MAGI1: variants seen among roughly 807,000 people sequenced by gnomAD.
MAGI1 encodes the protein membrane associated guanylate kinase, WW and PDZ domain containing 1.
A neutral mutation model predicts 139.9 loss-of-function variants in MAGI1; 58 were observed. The observed-to-expected ratio is 0.41, with a 90% CI of 0.34 to 0.52. MAGI1 has a LOEUF of 0.52. Ranked by LOEUF, MAGI1 falls within the 20% of genes least tolerant of loss-of-function variation. MAGI1 has a pLI of 0.12. For missense variants in MAGI1, 1,874 were observed against 1,901.6 expected (o/e 0.99, Z 0.27); for synonymous variants, 812 against 737.9 (o/e 1.10, Z -1.63).
intron 2 of MAGI1, among the ~76,000 whole-genome samples, chr3:65,588,301 G>A (rs1379498247): frequency 6.6e-6 from 1 of 152,158 alleles, no homozygotes; most frequent in Non-Finnish European, 1.5e-5. Context: ...TGCTCTAAGG[G>A]TGAAGCATTC....
intron 4 of MAGI1, among the ~76,000 whole-genome samples, chr3:65,473,267 A>G (rs1234964021): frequency 6.6e-6 from 1 of 152,176 alleles, no homozygotes; most frequent in Non-Finnish European, 1.5e-5. Context: ...ATCAAACCAC[A>G]GATTATAGTC....
chr3:65,444,470 C>T (rs55792695), intron 7 of MAGI1, among the ~76,000 whole-genome samples: 2,246 of 152,184 alleles, frequency 0.015, 66 homozygotes, highest in African/African-American at 0.049. Context: ...TTCATAGAAA[C>T]GCCATCTCTT....
chr3:65,499,507 G>C (rs2077001554), intron 2 of MAGI1, among the ~76,000 whole-genome samples: 1 of 152,142 alleles, frequency 6.6e-6, no homozygotes. Flanking sequence ...AAATTAGCCA[G>C]GCATGGTGGC....
At position 65,609,262 on chromosome 3, in the gene MAGI1, A is replaced by C. The variant is rs150766586; in HGVS notation, c.430+12710T>G. Among the ~76,000 whole-genome samples the C allele has an allele frequency of 1.7e-3, 252 of 149,992 alleles. 2 individuals carry two copies. Among genetic ancestry groups the C allele is most frequent in the African/African-American group, 5.3e-3 (217 of 40,678 alleles). On this transcript the variant is annotated intron_variant, in intron 2 of 22. Transcript: ENST00000402939. ...AACTTGCTATATTTATTTCATCTCTATCTCTCTCTCTCTCTTTTTTTTGTT... is the reference window on the plus strand; with the variant it reads ...AACTTGCTATATTTATTTCATCTCTCTCTCTCTCTCTCTCTTTTTTTTGTT...
chr3:65,638,021 G>A (rs75761648), intron 1 of MAGI1, among the ~76,000 whole-genome samples: 7,248 of 152,174 alleles, frequency 0.048, 323 homozygotes, highest in African/African-American at 0.12. Context: ...AGTGAATAAA[G>A]GATGATACTG....
chr3:66,032,377 A>ATTTTTTT (rs781376605), intron 1 of MAGI1, among the ~76,000 whole-genome samples: 1 of 128,712 alleles, frequency 7.8e-6, no homozygotes. Flanking sequence ...CGCCCGGCTA[A>ATTTTTTT]TTTTTTTGTT....
At chr3:65,577,033 C>T (rs2081207512) in intron 2 of MAGI1, among the ~76,000 whole-genome samples, 1 of 152,112 alleles carries the variant, frequency 6.6e-6, no homozygotes, top group Non-Finnish European at 1.5e-5. Context: ...TTTCACATAC[C>T]ATGGCACATT....
At chr3:65,446,800 C>T (rs1204624553) in intron 7 of MAGI1, among the ~76,000 whole-genome samples, 1 of 152,154 alleles carries the variant, frequency 6.6e-6, no homozygotes, top group Non-Finnish European at 1.5e-5. Context: ...TCATCCCTCT[C>T]ACAATGACCA....
chr3:65,729,314 TA>T, intron 1 of MAGI1, among the ~76,000 whole-genome samples: 1 of 152,342 alleles, frequency 6.6e-6, no homozygotes, highest in Non-Finnish European at 1.5e-5. Context: ...TATATTCATT[TA>T]AAAATATTTC....
At chr3:65,746,712 T>C (rs2035741903) in intron 1 of MAGI1, among the ~76,000 whole-genome samples, 1 of 152,122 alleles carries the variant, frequency 6.6e-6, no homozygotes, top group South Asian at 2.1e-4. Context: ...AAATATAATA[T>C]AGAAATAAAC....
At chr3:65,607,805 G>A (rs982522183) in intron 2 of MAGI1, among the ~76,000 whole-genome samples, 1 of 152,140 alleles carries the variant, frequency 6.6e-6, no homozygotes, top group Admixed American at 6.6e-5. Flanking sequence ...CAAATCAGGT[G>A]TTTCGGCTTA....
At chr3:65,957,897 T>C (rs1266277816) in intron 1 of MAGI1, among the ~76,000 whole-genome samples, 4 of 152,050 alleles carry the variant, frequency 2.6e-5, no homozygotes, top group Admixed American at 1.3e-4. Flanking sequence ...GCCTCCCAAG[T>C]AGCTGAGATT....
intron 18 of MAGI1, among the ~76,000 whole-genome samples, chr3:65,375,001 T>G (rs1433379102): frequency 6.6e-6 from 1 of 152,182 alleles, no homozygotes; most frequent in Non-Finnish European, 1.5e-5. Flanking sequence ...ATTCACTTAT[T>G]CTAAAAAACC....
At chr3:65,550,569 T>A (rs2079774339) in intron 2 of MAGI1, among the ~76,000 whole-genome samples, 1 of 152,196 alleles carries the variant, frequency 6.6e-6, no homozygotes, top group South Asian at 2.1e-4. Flanking sequence ...TAGTTTTAGT[T>A]TCAGGTGGAC....
chr3:65,853,486 A>G (rs1367373251), intron 1 of MAGI1, among the ~76,000 whole-genome samples: 1 of 152,182 alleles, frequency 6.6e-6, no homozygotes, highest in African/African-American at 2.4e-5. Context: ...TTCAATATCA[A>G]AAGTCTAAAA....
At position 65,798,497 on chromosome 3, in the gene MAGI1, G is replaced by A. The variant is rs373300770; in HGVS notation, c.314-176409C>T. 1.4e-4 allele frequency among the ~76,000 whole-genome samples: 22 copies of A among 152,246 alleles called. No individual in the cohort carries two copies. The South Asian group carries it at 1.5e-3, about 10-fold the overall frequency. On this transcript the variant is annotated intron_variant, in intron 1 of 22. Transcript: ENST00000402939. The stretch of plus-strand genomic sequence containing the variant: ...AAGGAAGCCGCCAACTGTAGGCCTC[G>A]GGCCAAGATAGGTGTAGGGGTGCTG...
At chr3:65,768,713 G>T (rs950678455) in intron 1 of MAGI1, among the ~76,000 whole-genome samples, 1 of 152,152 alleles carries the variant, frequency 6.6e-6, no homozygotes, top group Non-Finnish European at 1.5e-5. Flanking sequence ...GATTTTTCCA[G>T]TTGTGGTAGA....
chr3:65,838,724 T>C (rs1030230986), intron 1 of MAGI1, among the ~76,000 whole-genome samples: 1 of 152,254 alleles, frequency 6.6e-6, no homozygotes, highest in East Asian at 1.9e-4. Context: ...TAAGTTTCCA[T>C]TTCTCTAGGG....
intron 1 of MAGI1, among the ~76,000 whole-genome samples, chr3:66,027,530 T>C (rs1266530453): frequency 6.6e-6 from 1 of 152,168 alleles, no homozygotes; most frequent in Non-Finnish European, 1.5e-5. Context: ...CAGATAGATC[T>C]GAGTTTGAAT....
Sources: allele counts gnomAD v4.1 joint callset (sites outside exome capture counted in the v4.1 genomes callset), GRCh38; gene constraint gnomAD v4.1.1; transcripts MANE v1.5; gene names NCBI Gene and HGNC (gene_info 2026-07-23, HGNC 2026-07-21).